The following DNAH14 variants were observed in gnomAD, a reference collection of about 807,000 sequenced individuals.
DNAH14 encodes the protein dynein axonemal heavy chain 14.
In DNAH14, 478 loss-of-function variants were observed where a neutral mutation model predicts 520.9. The ratio of observed to expected loss-of-function variants is 0.92; its 90% CI spans 0.85 to 0.99. The LOEUF (loss-of-function observed/expected upper bound fraction) is 0.99, where lower values mean the gene tolerates loss of function less well. DNAH14 is among the 50% of genes least tolerant of loss of function. The pLI is 0.00. For missense variants in DNAH14, 4,831 were observed against 5,234.5 expected, an observed-to-expected ratio of 0.92 and a Z score of 2.38; for synonymous variants, 1,581 against 1,757.2, an observed-to-expected ratio of 0.90 and a Z score of 2.51.
chr1:224,967,839 A>G, intron 6 of DNAH14: 1 of 1,314,320 alleles, frequency 7.6e-7, no homozygotes, highest in African/African-American at 1.5e-5. Context: ...ACTTGGGGTA[A>G]ATTTTTACAG....
At chr1:224,997,658 A>G (rs2063484615) in intron 8 of DNAH14, among the ~76,000 whole-genome samples, 1 of 152,064 alleles carries the variant, frequency 6.6e-6, no homozygotes, top group Admixed American at 6.6e-5. Context: ...ATTTGGTAGA[A>G]ATGTCCAGTG....
At chr1:225,042,574 C>T (rs151076855) in intron 12 of DNAH14, among the ~76,000 whole-genome samples, 7 of 152,242 alleles carry the variant, frequency 4.6e-5, no homozygotes, top group African/African-American at 1.7e-4. Flanking sequence ...TTTAAATAGG[C>T]ACTCAGTGAC....
intron 46 of DNAH14, among the ~76,000 whole-genome samples, chr1:225,260,895 C>CT (rs2092913718): frequency 6.6e-6 from 1 of 151,960 alleles, no homozygotes; most frequent in South Asian, 2.1e-4. Flanking sequence ...TTTTAATGGT[C>CT]TTTTTTAACA....
rs1285706509 is a variant in DNAH14 at position 224,929,943 on chromosome 1, C to T, written c.-34+108C>T. ...GGAGGGCTGCGTGGGCGCGGAGGGCCTGGGCGCTCCCCACCCAGCTGCTGT... is the reference window on the plus strand; with the variant it reads ...GGAGGGCTGCGTGGGCGCGGAGGGCTTGGGCGCTCCCCACCCAGCTGCTGT... On this transcript the variant is annotated intron_variant, in intron 1 of 85. Coordinates refer to ENST00000682510, the MANE Select transcript of DNAH14 (RefSeq NM_001367479.1). The T allele has an allele frequency of 5.1e-5, 27 of 529,460 alleles. 1 individual carries two copies. The South Asian group carries it at 5.7e-4, about 11-fold the overall frequency. 32.8% of individuals were successfully genotyped at this position (529,460 alleles called of 1,614,324 possible). A position where few individuals can be genotyped will look rare whatever the true frequency, so the allele number is the denominator to read the frequency against.
intron 27 of DNAH14, among the ~76,000 whole-genome samples, chr1:225,134,486 G>A (rs1310394553): frequency 1.3e-5 from 2 of 151,310 alleles, no homozygotes; most frequent in African/African-American, 4.8e-5. Context: ...GAGATAACGT[G>A]GTTTTTGTCT....
intron 23 of DNAH14, among the ~76,000 whole-genome samples, chr1:225,108,964 AG>A (rs2076289245): frequency 6.6e-6 from 1 of 152,166 alleles, no homozygotes; most frequent in Non-Finnish European, 1.5e-5. Context: ...TCATTTGTTG[AG>A]GAACCTGCCC....
chr1:225,011,880 C>G (rs1170152936), intron 10 of DNAH14, among the ~76,000 whole-genome samples: 1 of 149,428 alleles, frequency 6.7e-6, no homozygotes. Flanking sequence ...ATACAGCACA[C>G]CGATGGATCT....
chr1:225,274,197 A>G (rs2928386), intron 52 of DNAH14, among the ~76,000 whole-genome samples: 2 of 92,882 alleles, frequency 2.2e-5, no homozygotes, highest in South Asian at 3.7e-4. Context: ...AGCATCTGTT[A>G]TTTTTTTTTT....
intron 42 of DNAH14, among the ~76,000 whole-genome samples, chr1:225,233,674 C>T (rs3011693): frequency 0.2 from 30,154 of 151,892 alleles, 3,141 homozygotes; most frequent in East Asian, 0.37. Flanking sequence ...TCCTTGTAGA[C>T]TCTGGATATT....
intron 6 of DNAH14, chr1:224,967,895 T>C: frequency 8.0e-7 from 1 of 1,249,538 alleles, no homozygotes; most frequent in Non-Finnish European, 1.0e-6. Flanking sequence ...GGAACTATAA[T>C]AATAAAGAAA....
At chr1:225,038,844 T>C (rs2067197846) in intron 12 of DNAH14, 21 bp downstream of exon 12, 2 of 1,452,058 alleles carry the variant, frequency 1.4e-6, no homozygotes, top group Admixed American at 6.4e-5. Context: ...CTTTGAAAAA[T>C]ATAAACATAG....
intron 41 of DNAH14, among the ~76,000 whole-genome samples, chr1:225,227,779 C>T (rs1472592173): frequency 6.6e-6 from 1 of 152,128 alleles, no homozygotes; most frequent in Non-Finnish European, 1.5e-5. Flanking sequence ...TAACACCTGG[C>T]ATGGGACATA....
intron 76 of DNAH14, among the ~76,000 whole-genome samples, chr1:225,365,388 G>T (rs1371799296): frequency 6.6e-6 from 1 of 152,168 alleles, no homozygotes; most frequent in East Asian, 1.9e-4. Flanking sequence ...ACCAAAAGGT[G>T]GGGTCCTAAC....
chr1:225,145,572 A>G (rs945627787), intron 30 of DNAH14, among the ~76,000 whole-genome samples, 193 bp downstream of exon 30: 7 of 152,198 alleles, frequency 4.6e-5, no homozygotes, highest in African/African-American at 1.7e-4. Context: ...TTAAACATAT[A>G]CGATGCTTTT....
intron 82 of DNAH14, 66 bp downstream of exon 82, chr1:225,388,557 C>A: frequency 2.2e-6 from 2 of 899,610 alleles, no homozygotes; most frequent in South Asian, 3.7e-5. Flanking sequence ...TTTATGACAT[C>A]ATTTCCCATG....
intron 47 of DNAH14, 104 bp downstream of exon 47, chr1:225,264,365 T>C (rs370648484): frequency 4.0e-5 from 39 of 981,734 alleles, no homozygotes; most frequent in African/African-American, 3.8e-4. Context: ...ATAATTTCAA[T>C]TGGTAATTTA....
chr1:225,168,356 G>A (rs957569200), intron 36 of DNAH14, among the ~76,000 whole-genome samples: 7 of 152,348 alleles, frequency 4.6e-5, no homozygotes, highest in Admixed American at 6.5e-5. Flanking sequence ...GCGAGGCATC[G>A]CCTCACCCAG....
At chr1:225,018,507 A>G (rs1304520373) in intron 10 of DNAH14, among the ~76,000 whole-genome samples, 2 of 152,222 alleles carry the variant, frequency 1.3e-5, no homozygotes, top group Admixed American at 1.3e-4. Context: ...AAATCTTGCT[A>G]GAGAGGTCAA....
At chr1:225,118,032 G>A in intron 25 of DNAH14, 33 bp downstream of exon 25, 4 of 1,419,936 alleles carry the variant, frequency 2.8e-6, no homozygotes, top group Non-Finnish European at 3.9e-6. Context: ...TTTAGATTCT[G>A]TACAACGTCA....
Sources: gnomAD v4.1 joint callset for allele counts (sites outside exome capture counted in the v4.1 genomes callset) on GRCh38, gnomAD v4.1.1 for gene constraint, MANE v1.5 for transcripts, NCBI Gene and HGNC (gene_info 2026-07-23, HGNC 2026-07-21) for gene names.